Variants in SLC13A5 observed in about 807,000 individuals in gnomAD.
SLC13A5 encodes the protein Na(+)/citrate cotransporter.
SLC13A5 carries 25 observed loss-of-function variants against 56.5 expected under a neutral mutation model. That is an observed-to-expected ratio of 0.44 (90% CI 0.32 to 0.62). The LOEUF is 0.62. Ranked by LOEUF, SLC13A5 falls within the 20% of genes least tolerant of loss-of-function variation. The pLI is 0.04. For synonymous variants in SLC13A5, 307 were observed against 301.5 expected (o/e 1.02, Z -0.19); for missense variants, 649 against 737.8 (o/e 0.88, Z 1.39).
chr17:6,687,803 C>T lies in SLC13A5; in HGVS notation c.1438-137G>A. 3 of 1,112,550 alleles carry T rather than the reference C, an allele frequency of 2.7e-6. No homozygotes were observed. Among genetic ancestry groups the T allele is most frequent in the South Asian group, 4.1e-5 (2 of 49,256 alleles). The allele number at this position is 1,112,550 out of a possible 1,614,324, so 68.9% of individuals were successfully genotyped here. ...CAGTCTTGGTTCCTCTCCCTTTTGC[C>T]ACGTCTCTGGCAGATAATTCCACCT... On this transcript the variant is annotated intron_variant, in intron 10 of 11. Transcript: ENST00000433363. The surrounding 1 kb of genome is among the most constrained non-coding windows in gnomAD (Gnocchi z 5.0).
At chr17:6,702,834 C>A (rs537882352) in intron 5 of SLC13A5, 136 bp downstream of exon 5, 8 of 1,078,506 alleles carry the variant, frequency 7.4e-6, no homozygotes, top group Non-Finnish European at 9.2e-6. Context: ...TCTTTCCACC[C>A]CTGCCAGGCT....
rs957205256 is a variant in SLC13A5 at position 6,713,142 on chromosome 17, T to C, written c.102+90A>G. On this transcript the variant is annotated intron_variant, in intron 1 of 11. Transcript: ENST00000433363. This position sits in a 1 kb window ranked among gnomAD's most constrained non-coding sequence, Gnocchi z 7.3. Reference sequence around the variant, plus strand: ...AGAGCTGTGCTCCCCGCGAAATCCGTGCGCTCCAGCTCAGGGCTCCCGGGA... The same window carrying C: ...AGAGCTGTGCTCCCCGCGAAATCCGCGCGCTCCAGCTCAGGGCTCCCGGGA... 3.8e-6 allele frequency: 5 copies of C among 1,322,514 alleles called. No individual in the cohort carries two copies. Among genetic ancestry groups the C allele is most frequent in the Non-Finnish European group, 4.2e-6 (4 of 943,240 alleles). 81.9% of individuals were successfully genotyped at this position (1,322,514 alleles called of 1,614,324 possible).
intron 6 of SLC13A5, 22 bp from the exon 7 acceptor site, chr17:6,695,963 G>GA: frequency 1.2e-6 from 2 of 1,610,734 alleles, no homozygotes; most frequent in Non-Finnish European, 1.7e-6. Context: ...AAAGATGAGA[G>GA]AAGGGCAGGG....
chr17:6,711,100 C>T lies in SLC13A5; in HGVS notation c.102+2132G>A, dbSNP rs534598541. ...AGGCCTGGGTGTTGGCAGAGGGTGG[C>T]GTGCCCTGGGAGTCACCTCCTGGCA... On this transcript the variant is annotated intron_variant, in intron 1 of 11. Coordinates refer to ENST00000433363, the MANE Select transcript of SLC13A5 (RefSeq NM_177550.5). The surrounding 1 kb of genome is among the most constrained non-coding windows in gnomAD (Gnocchi z 4.0). Among the ~76,000 whole-genome samples the T allele has an allele frequency of 2.0e-5, 3 of 151,960 alleles. No homozygotes were observed. The highest frequency in any genetic ancestry group is 6.6e-5 in the Admixed American group (1 of 15,254).
intron 2 of SLC13A5, 82 bp from the exon 3 acceptor site, chr17:6,706,860 G>C (rs1973882224): frequency 1.3e-6 from 2 of 1,583,868 alleles, no homozygotes; most frequent in South Asian, 2.3e-5. Context: ...CTGACTTCAG[G>C]GACAGCTTGG....
chr17:6,706,908 G>A, intron 2 of SLC13A5, 120 bp downstream of exon 2: 2 of 1,558,040 alleles, frequency 1.3e-6, no homozygotes, highest in Non-Finnish European at 1.7e-6. Flanking sequence ...TCCCTGCCAG[G>A]GAGAATCCAC....
rs142320179 is a variant in SLC13A5, at chr17:6,703,085, G to T, written c.601C>A (p.Arg201=). ...PTLGQQEDQE[R]KRLCKAMTLC... Reference sequence around the variant, plus strand: ...GTCATGGCCTTACACAACCTCTTCCGCTCTTGGTCTTCCTGCTGCCCCAGA... The same window carrying T: ...GTCATGGCCTTACACAACCTCTTCCTCTCTTGGTCTTCCTGCTGCCCCAGA... The change falls in exon 5 of 12, where the codon CGG becomes AGG. Residue 201 remains arginine, a synonymous_variant. Transcript: ENST00000433363. The T allele has an allele frequency of 1.1e-5, 18 of 1,614,040 alleles. No individual in the cohort carries two copies. Among genetic ancestry groups the T allele is most frequent in the Middle Eastern group, 1.6e-4 (1 of 6,084 alleles).
chr17:6,686,296 C>T lies in SLC13A5; in HGVS notation c.1618G>A (p.Val540Met). ...VIMNIIGVFC[V>M]FLAVNTWGRA... ...CCCCAGGTGTTGACAGCCAAAAACA[C>T]ACAGAAGACTCCAATTATGTTCATT... Residue 540 changes from valine (V) to methionine (M), a missense_variant, in exon 12 of 12, where the codon GTG becomes ATG. Coordinates refer to ENST00000433363, the MANE Select transcript of SLC13A5 (RefSeq NM_177550.5). 2 of 1,614,082 alleles carry T rather than the reference C, an allele frequency of 1.2e-6. No homozygotes were observed. Among genetic ancestry groups the T allele is most frequent in the South Asian group, 1.1e-5 (1 of 91,076 alleles).
At chr17:6,691,759 G>A (rs1025633578) in intron 9 of SLC13A5, among the ~76,000 whole-genome samples, 6 of 152,076 alleles carry the variant, frequency 3.9e-5, no homozygotes, top group African/African-American at 1.4e-4. Context: ...CCCAGCCCAG[G>A]CCCCCACTCC....
In SLC13A5 at chr17:6,707,125, A is replaced by G. The variant is rs1208101006; in HGVS notation, c.134T>C (p.Met45Thr). 1.9e-6 allele frequency: 3 copies of G among 1,614,064 alleles called. No homozygotes were observed. In the Admixed American group the frequency reaches 5.0e-5, roughly 27 times the overall value. Reference protein sequence around the residue: ...FVRCAYVIILMAIYWCTEVIP... With the variant: ...FVRCAYVIILTAIYWCTEVIP... ...GACTTCTGTGCACCAGTAAATGGCC[A>G]TGAGGATGATGACGTAGGCACACCT... The change falls in exon 2 of 12, where the codon ATG becomes ACG. Residue 45 changes from methionine to threonine, a missense_variant. Transcript: ENST00000433363.
At chr17:6,702,448 A>G (rs1454072749) in intron 5 of SLC13A5, among the ~76,000 whole-genome samples, 1 of 152,192 alleles carries the variant, frequency 6.6e-6, no homozygotes, top group Non-Finnish European at 1.5e-5. Flanking sequence ...CGAAGCAGTG[A>G]AGCAGTGAAT....
chr17:6,701,364 T>A lies in SLC13A5; in HGVS notation c.717-238A>T, dbSNP rs1022768111. On this transcript the variant is annotated intron_variant, in intron 5 of 11. Transcript: ENST00000433363. This position sits in a 1 kb window ranked among gnomAD's most constrained non-coding sequence, Gnocchi z 4.1. ...GAAATGACCCACTGACTCTTCTGTGTGTCCAGGCCTTGCTAAGAGTCTCAT... is the reference window on the plus strand; with the variant it reads ...GAAATGACCCACTGACTCTTCTGTGAGTCCAGGCCTTGCTAAGAGTCTCAT... Among the ~76,000 whole-genome samples, 4 of 152,236 alleles carry A rather than the reference T, an allele frequency of 2.6e-5. No individual in the cohort carries two copies. Among genetic ancestry groups the A allele is most frequent in the Admixed American group, 6.5e-5 (1 of 15,286 alleles).
At position 6,694,077 on chromosome 17, in the gene SLC13A5, G is replaced by A. The variant is rs368150158; in HGVS notation, c.1156+20C>T. 45 of 1,562,396 alleles carry A rather than the reference G, an allele frequency of 2.9e-5. No individual in the cohort carries two copies. Among genetic ancestry groups the A allele is most frequent in the East Asian group, 6.8e-5 (3 of 43,810 alleles). On this transcript the variant is annotated intron_variant, in intron 8 of 11. Transcript: ENST00000433363. Reference sequence around the variant, plus strand: ...AGGGCTCCAGTCCTGATGACTGGGCGATCAGAACAGGAGACTTACCTTCCT... The same window carrying A: ...AGGGCTCCAGTCCTGATGACTGGGCAATCAGAACAGGAGACTTACCTTCCT...
chr17:6,708,260 G>T (rs1205048220), intron 1 of SLC13A5, among the ~76,000 whole-genome samples: 1 of 152,168 alleles, frequency 6.6e-6, no homozygotes, highest in Non-Finnish European at 1.5e-5. Flanking sequence ...GAGCCACCGC[G>T]CCCAACCTCA....
At position 6,692,598 on chromosome 17, in the gene SLC13A5, C is replaced by T. The variant is rs773037916; in HGVS notation, c.1275+446G>A. ...ATTTTTGTGTGTTTTCCAACATGTTCCTCACCTCCTACGCTGCTACATACT... is the reference window on the plus strand; with the variant it reads ...ATTTTTGTGTGTTTTCCAACATGTTTCTCACCTCCTACGCTGCTACATACT... On this transcript the variant is annotated intron_variant, in intron 9 of 11. Transcript: ENST00000433363. This position sits in a 1 kb window ranked among gnomAD's most constrained non-coding sequence, Gnocchi z 5.5. Among the ~76,000 whole-genome samples, 2 of 152,174 alleles carry T rather than the reference C, an allele frequency of 1.3e-5. No homozygotes were observed. The highest frequency in any genetic ancestry group is 2.4e-5 in the African/African-American group (1 of 41,412).
At position 6,692,914 on chromosome 17, in the gene SLC13A5, C is replaced by T. The variant is rs1190341187; in HGVS notation, c.1275+130G>A. 1.5e-5 allele frequency: 11 copies of T among 730,586 alleles called. No individual in the cohort carries two copies. Among genetic ancestry groups the T allele is most frequent in the Non-Finnish European group, 2.7e-5 (11 of 406,608 alleles). 45.3% of individuals were successfully genotyped at this position (730,586 alleles called of 1,614,324 possible). On this transcript the variant is annotated intron_variant, in intron 9 of 11. Coordinates refer to ENST00000433363, the MANE Select transcript of SLC13A5 (RefSeq NM_177550.5). This position sits in a 1 kb window ranked among gnomAD's most constrained non-coding sequence, Gnocchi z 5.5. ...TAGATGACAAGACAGAGTCCATGTCCTCAAGGAATGTGCGGTTATACGAAG... is the reference window on the plus strand; with the variant it reads ...TAGATGACAAGACAGAGTCCATGTCTTCAAGGAATGTGCGGTTATACGAAG...
intron 1 of SLC13A5, among the ~76,000 whole-genome samples, chr17:6,710,762 C>CTCTGTGTG (rs1974000200): frequency 1.3e-5 from 2 of 148,350 alleles, no homozygotes; most frequent in African/African-American, 5.0e-5. Flanking sequence ...GCAAAACCTA[C>CTCTGTGTG]TGTGTGTGTG....
intron 9 of SLC13A5, among the ~76,000 whole-genome samples, chr17:6,691,373 C>T (rs779127774): frequency 1.3e-5 from 2 of 152,214 alleles, no homozygotes; most frequent in Non-Finnish European, 2.9e-5. Flanking sequence ...CAGTCAGTCA[C>T]CAAGTCACCC....
At chr17:6,708,550 A>G (rs2151500396) in intron 1 of SLC13A5, among the ~76,000 whole-genome samples, 1 of 152,396 alleles carries the variant, frequency 6.6e-6, no homozygotes, top group East Asian at 1.9e-4. Context: ...TTTCTACAGC[A>G]TATTTCTGGT....
Sources: allele counts gnomAD v4.1 joint callset (sites outside exome capture counted in the v4.1 genomes callset), GRCh38; gene constraint gnomAD v4.1.1; non-coding constraint Gnocchi (gnomAD v3.1); transcripts MANE v1.5; gene names NCBI Gene and HGNC (gene_info 2026-07-23, HGNC 2026-07-21).